The following CNTNAP5 variants were observed in gnomAD, a reference collection of about 807,000 sequenced individuals.
CNTNAP5 encodes the protein contactin-associated protein-like 5.
Under a neutral mutation model 150.2 loss-of-function variants are expected in CNTNAP5, and 72 were observed. The observed-to-expected ratio is 0.48, with a 90% CI of 0.40 to 0.58. The LOEUF (loss-of-function observed/expected upper bound fraction) is 0.58. Among genes scored for constraint, CNTNAP5 ranks in the 20% least tolerant of loss-of-function variants. The pLI, the probability that CNTNAP5 is intolerant of heterozygous loss-of-function variation, is 0.00. For missense variants in CNTNAP5, 1,636 were observed against 1,626.2 expected (o/e 1.01, Z -0.10); for synonymous variants, 672 against 619.8 (o/e 1.08, Z -1.25).
At chr2:124,868,250 A>G (rs1265369820) in intron 20 of CNTNAP5, among the ~76,000 whole-genome samples, 1 of 152,124 alleles carries the variant, frequency 6.6e-6, no homozygotes, top group Non-Finnish European at 1.5e-5. Flanking sequence ...CCTTTCTCGT[A>G]CAGAGAAAAA....
intron 1 of CNTNAP5, among the ~76,000 whole-genome samples, chr2:124,146,587 T>C (rs2104626075): frequency 6.6e-6 from 1 of 152,220 alleles, no homozygotes; most frequent in East Asian, 1.9e-4. Flanking sequence ...ATATTATATG[T>C]GGGGATCTTA....
chr2:124,266,960 TAGATG>T (rs1046890963), intron 3 of CNTNAP5, among the ~76,000 whole-genome samples: 1 of 140,372 alleles, frequency 7.1e-6, no homozygotes, highest in African/African-American at 2.7e-5. Flanking sequence ...GTGGGAAAGA[TAGATG>T]AGAGATTTTT....
intron 3 of CNTNAP5, among the ~76,000 whole-genome samples, chr2:124,296,234 A>T (rs1368730866): frequency 6.6e-6 from 1 of 152,204 alleles, no homozygotes; most frequent in Non-Finnish European, 1.5e-5. Flanking sequence ...CCAGTGGTTT[A>T]ATGCCACAAA....
At chr2:124,764,179 C>T in intron 16 of CNTNAP5, 32 bp downstream of exon 16, 1 of 1,571,648 alleles carries the variant, frequency 6.4e-7, no homozygotes, top group Non-Finnish European at 8.7e-7. Context: ...TTTAATGTAA[C>T]TGATCAACAA....
Position 124,911,553 on chromosome 2 carries a change from G to A in CNTNAP5, c.3727+15G>A. 3 of 1,572,632 alleles carry A rather than the reference G, an allele frequency of 1.9e-6. No individual in the cohort carries two copies. The highest frequency in any genetic ancestry group is 2.6e-6 in the Non-Finnish European group (3 of 1,153,798). On this transcript the variant is annotated intron_variant, in intron 23 of 23. Transcript: ENST00000682447. The stretch of plus-strand genomic sequence containing the variant: ...AGTCATCGGAGGTAAACAATTCATT[G>A]TTGTTGAATGCAAAAAGACATAAAC...
At chr2:124,302,563 C>A (rs1045067529) in intron 3 of CNTNAP5, among the ~76,000 whole-genome samples, 1 of 152,168 alleles carries the variant, frequency 6.6e-6, no homozygotes, top group Non-Finnish European at 1.5e-5. Context: ...TTACCAGGAA[C>A]CCACTCCTGG....
chr2:124,713,318 C>CG (rs1553434509), intron 13 of CNTNAP5, among the ~76,000 whole-genome samples: 1 of 43,926 alleles, frequency 2.3e-5, no homozygotes, highest in Non-Finnish European at 4.6e-5. Context: ...CTCTTTCTTT[C>CG]CTTTCTTTCT....
chr2:124,839,098 C>T (rs1043012217), intron 19 of CNTNAP5, among the ~76,000 whole-genome samples: 1 of 151,996 alleles, frequency 6.6e-6, no homozygotes, highest in Non-Finnish European at 1.5e-5. Flanking sequence ...AGAAGGCTCC[C>T]CTGGTGAGCT....
At chr2:124,687,138 A>G (rs1396331114) in intron 13 of CNTNAP5, among the ~76,000 whole-genome samples, 5 of 152,070 alleles carry the variant, frequency 3.3e-5, no homozygotes, top group Non-Finnish European at 4.4e-5. Flanking sequence ...TAGAGTTGCA[A>G]CGGAGAGAAG....
intron 13 of CNTNAP5, among the ~76,000 whole-genome samples, chr2:124,651,719 G>A (rs1678326543): frequency 1.3e-5 from 2 of 152,216 alleles, no homozygotes; most frequent in South Asian, 4.1e-4. Flanking sequence ...TCCTTATTGT[G>A]TAGGAAAATG....
chr2:124,469,818 A>C (rs886879566), intron 6 of CNTNAP5, among the ~76,000 whole-genome samples: 1 of 152,176 alleles, frequency 6.6e-6, no homozygotes, highest in African/African-American at 2.4e-5. Flanking sequence ...AAGTGAGAAC[A>C]TACAGTGTTT....
chr2:124,342,273 C>T (rs1689637601), intron 3 of CNTNAP5, among the ~76,000 whole-genome samples: 1 of 152,140 alleles, frequency 6.6e-6, no homozygotes, highest in African/African-American at 2.4e-5. Flanking sequence ...AGGCCTCTTA[C>T]AGGTGTGCAG....
chr2:124,073,182 A>G (rs1682352208), intron 1 of CNTNAP5, among the ~76,000 whole-genome samples: 1 of 152,044 alleles, frequency 6.6e-6, no homozygotes, highest in African/African-American at 2.4e-5. Flanking sequence ...CTAGATCTCT[A>G]TCCCTCACCA....
At chr2:124,792,472 G>A (rs908903799) in intron 18 of CNTNAP5, among the ~76,000 whole-genome samples, 1 of 151,930 alleles carries the variant, frequency 6.6e-6, no homozygotes, top group African/African-American at 2.4e-5. Context: ...GGATTCCATC[G>A]TTTCAAATAC....
At chr2:124,846,911 C>T (rs2104699106) in intron 19 of CNTNAP5, among the ~76,000 whole-genome samples, 1 of 152,254 alleles carries the variant, frequency 6.6e-6, no homozygotes, top group East Asian at 1.9e-4. Context: ...GCAAAGAGTC[C>T]TGTGATATGA....
chr2:124,758,435 ATG>A (rs374940333), intron 14 of CNTNAP5, among the ~76,000 whole-genome samples: 1 of 151,884 alleles, frequency 6.6e-6, no homozygotes, highest in East Asian at 1.9e-4. Flanking sequence ...ATGAAGGAAC[ATG>A]TGTGTGTGTG....
intron 3 of CNTNAP5, among the ~76,000 whole-genome samples, chr2:124,336,344 C>G (rs1028824767): frequency 6.6e-6 from 1 of 152,104 alleles, no homozygotes; most frequent in Non-Finnish European, 1.5e-5. Context: ...CAGTAGCACT[C>G]TGTTTGTCCA....
intron 3 of CNTNAP5, among the ~76,000 whole-genome samples, chr2:124,396,969 C>T (rs957062641): frequency 6.6e-6 from 1 of 152,230 alleles, no homozygotes; most frequent in Non-Finnish European, 1.5e-5. Flanking sequence ...GACAGGGCTA[C>T]TGACCAGGAG....
intron 3 of CNTNAP5, among the ~76,000 whole-genome samples, chr2:124,255,598 T>TTA (rs756827571): frequency 8.9e-5 from 13 of 146,820 alleles, no homozygotes; most frequent in Admixed American, 4.7e-4. Flanking sequence ...AATTTTTTTT[T>TTA]AAAAAGTAAA....
Sources: allele counts gnomAD v4.1 joint callset (sites outside exome capture counted in the v4.1 genomes callset), GRCh38; gene constraint gnomAD v4.1.1; transcripts MANE v1.5; gene names NCBI Gene and HGNC (gene_info 2026-07-23, HGNC 2026-07-21).